The following VTA1 variants were observed in gnomAD, a reference collection of about 807,000 sequenced individuals.
VTA1 encodes the protein vesicle trafficking 1, also known as vacuolar protein sorting-associated protein VTA1 homolog.
In VTA1, 24 loss-of-function variants were observed where a neutral mutation model predicts 36.9. The observed-to-expected ratio is 0.65, with a 90% CI of 0.47 to 0.91. The LOEUF (loss-of-function observed/expected upper bound fraction) is 0.91, where lower values mean the gene tolerates loss of function less well. VTA1 is among the 40% of genes least tolerant of loss of function. VTA1 has a pLI of 0.00. For synonymous variants in VTA1, 142 were observed against 130.2 expected (o/e 1.09, Z -0.62); for missense variants, 393 against 377.2 (o/e 1.04, Z -0.35).
At chr6:142,172,228 C>A (rs969411952) in intron 4 of VTA1, among the ~76,000 whole-genome samples, 2 of 152,154 alleles carry the variant, frequency 1.3e-5, no homozygotes, top group African/African-American at 2.4e-5. Context: ...CCAGGATGAT[C>A]TCAATCTCCT....
Position 142,169,687 on chromosome 6 carries a change from G to A in VTA1, c.335+10G>A, listed in dbSNP as rs769082197. 1.3e-6 allele frequency: 2 copies of A among 1,535,476 alleles called. No homozygotes were observed. Among genetic ancestry groups the A allele is most frequent in the Non-Finnish European group, 8.7e-7 (1 of 1,151,556 alleles). On this transcript the variant is annotated intron_variant, in intron 3 of 7. Coordinates refer to ENST00000367630, the MANE Select transcript of VTA1 (RefSeq NM_016485.5). The stretch of plus-strand genomic sequence containing the variant: ...CTGGACGATTTCACAAGTAAGTAAA[G>A]AGAAAAATAAAAATTATTTTATTAA...
At chr6:142,165,978 C>CT (rs1372663940) in intron 1 of VTA1, among the ~76,000 whole-genome samples, 81 of 146,768 alleles carry the variant, frequency 5.5e-4, no homozygotes, top group African/African-American at 1.9e-3. Flanking sequence ...ATACCTAGTC[C>CT]TCTTTTTTTT....
At chr6:142,202,402 T>C (rs897984851) in intron 6 of VTA1, among the ~76,000 whole-genome samples, 1 of 151,934 alleles carries the variant, frequency 6.6e-6, no homozygotes, top group African/African-American at 2.4e-5. Flanking sequence ...TTATTTGTAA[T>C]AGCAAAAGAT....
rs188951856 is a variant in VTA1, at chr6:142,189,905, T to C, written c.520+371T>C. 8.7e-3 allele frequency among the ~76,000 whole-genome samples: 1,322 copies of C among 152,182 alleles called. 14 individuals are homozygous for C. Among genetic ancestry groups the C allele is most frequent in the Admixed American group, 0.021 (315 of 15,284 alleles). On this transcript the variant is annotated intron_variant, in intron 5 of 7. Coordinates refer to ENST00000367630, the MANE Select transcript of VTA1 (RefSeq NM_016485.5). ...CCGAGTAGCTGGGACTACAGGCGCCTGCCACCACGCCTGGCTAATTTTTTT... is the reference window on the plus strand; with the variant it reads ...CCGAGTAGCTGGGACTACAGGCGCCCGCCACCACGCCTGGCTAATTTTTTT...
At chr6:142,177,679 CA>C (rs997210203) in intron 4 of VTA1, among the ~76,000 whole-genome samples, 2 of 151,952 alleles carry the variant, frequency 1.3e-5, no homozygotes, top group African/African-American at 4.8e-5. Context: ...TTTTTTTACA[CA>C]CAAAAAAATC....
At chr6:142,197,677 A>G (rs1775579803) in intron 5 of VTA1, among the ~76,000 whole-genome samples, 1 of 152,186 alleles carries the variant, frequency 6.6e-6, no homozygotes, top group South Asian at 2.1e-4. Context: ...TCTTAAGTAA[A>G]AGTCCGCTGT....
At chr6:142,166,655 C>T (rs534798310) in intron 2 of VTA1, among the ~76,000 whole-genome samples, 74 of 151,942 alleles carry the variant, frequency 4.9e-4, no homozygotes, top group Non-Finnish European at 9.1e-4. Context: ...CACTCTGTCA[C>T]CCAGGCTGGA....
At chr6:142,166,375 A>T in intron 2 of VTA1, 53 bp downstream of exon 2, 1 of 1,345,066 alleles carries the variant, frequency 7.4e-7, no homozygotes, top group Non-Finnish European at 1.1e-6. Context: ...ATACCATTTT[A>T]TTCATTTGCG....
intron 5 of VTA1, among the ~76,000 whole-genome samples, chr6:142,194,061 T>A (rs1050403865): frequency 2.2e-4 from 34 of 152,048 alleles, no homozygotes; most frequent in African/African-American, 7.7e-4. Context: ...TTTCTAAAGG[T>A]CCAGTGATAT....
chr6:142,156,467 C>T lies in VTA1; in HGVS notation c.112+9068C>T, dbSNP rs779608712. 2.6e-4 allele frequency among the ~76,000 whole-genome samples: 40 copies of T among 151,962 alleles called. 1 individual carries two copies. The highest frequency in any genetic ancestry group is 1.4e-3 in the Admixed American group (21 of 15,266). ...TCTCTTTATTTTTCTTTAATGAAGC[C>T]GGAAAATATTTGAATCTTTACTAAA... On this transcript the variant is annotated intron_variant, in intron 1 of 7. Transcript: ENST00000367630.
Position 142,215,009 on chromosome 6 carries a change from A to G in VTA1, c.779-3489A>G, listed in dbSNP as rs551580442. On this transcript the variant is annotated intron_variant, in intron 7 of 7. Transcript: ENST00000367630. ...TATGTGTGATATTAATGTATATTAA[A>G]TATATTGTAATGAATTTATGGCTCA... is the stretch of plus-strand genomic sequence containing the variant. Among the ~76,000 whole-genome samples, 3 of 152,328 alleles carry G rather than the reference A, an allele frequency of 2.0e-5. No individual in the cohort carries two copies. The East Asian group carries it at 5.8e-4, about 29-fold the overall frequency.
intron 6 of VTA1, among the ~76,000 whole-genome samples, chr6:142,199,699 C>T (rs150844615): frequency 2.3e-3 from 345 of 152,132 alleles, no homozygotes; most frequent in Non-Finnish European, 3.9e-3. Context: ...TTTATATTAT[C>T]TGCAAAAATA....
At chr6:142,202,033 T>C (rs377406410) in intron 6 of VTA1, among the ~76,000 whole-genome samples, 4 of 152,032 alleles carry the variant, frequency 2.6e-5, no homozygotes, top group African/African-American at 9.6e-5. Context: ...TATAGTAGAT[T>C]TACCTTGTTT....
At chr6:142,203,589 A>G (rs1473501599) in intron 6 of VTA1, among the ~76,000 whole-genome samples, 1 of 152,140 alleles carries the variant, frequency 6.6e-6, no homozygotes, top group Non-Finnish European at 1.5e-5. Context: ...AAAATTACAA[A>G]TGTTAATTTG....
intron 1 of VTA1, among the ~76,000 whole-genome samples, chr6:142,157,727 A>G (rs3804521): frequency 0.012 from 1,826 of 152,264 alleles, 35 homozygotes; most frequent in African/African-American, 0.04. Flanking sequence ...AGGTATATAT[A>G]TAGTAGATTT....
chr6:142,178,564 A>G (rs934420342), intron 4 of VTA1, among the ~76,000 whole-genome samples: 2 of 152,154 alleles, frequency 1.3e-5, no homozygotes. Flanking sequence ...AGGTAAATGT[A>G]AAAGACTATA....
At chr6:142,151,632 A>G (rs1367907522) in intron 1 of VTA1, among the ~76,000 whole-genome samples, 2 of 152,250 alleles carry the variant, frequency 1.3e-5, no homozygotes, top group African/African-American at 4.8e-5. Context: ...TGGTGTTAGC[A>G]ACTGGCATTG....
chr6:142,147,489 C>T (rs1245636768), intron 1 of VTA1, 90 bp downstream of exon 1: 2 of 1,314,552 alleles, frequency 1.5e-6, no homozygotes, highest in Admixed American at 2.0e-5. Context: ...CATGCCCCGC[C>T]CCCCTCGCTT....
At chr6:142,152,577 C>T (rs58545531) in intron 1 of VTA1, among the ~76,000 whole-genome samples, 162 of 151,980 alleles carry the variant, frequency 1.1e-3, no homozygotes, top group African/African-American at 3.6e-3. Context: ...TAATTCATAA[C>T]AATGTAAAAT....
Sources: gnomAD v4.1 joint callset for allele counts (sites outside exome capture counted in the v4.1 genomes callset) on GRCh38, gnomAD v4.1.1 for gene constraint, MANE v1.5 for transcripts, NCBI Gene and HGNC (gene_info 2026-07-23, HGNC 2026-07-21) for gene names.